The following MED16 variants were observed in gnomAD, a reference collection of about 807,000 sequenced individuals.
MED16 encodes mediator of RNA polymerase II transcription subunit 16.
A neutral mutation model predicts 84.4 loss-of-function variants in MED16; 81 were observed. The observed-to-expected ratio is 0.96, with a 90% confidence interval of 0.80 to 1.15. MED16 has a LOEUF of 1.15. Ranked by LOEUF, MED16 falls within the 50% of genes most tolerant of loss-of-function variation. The probability of loss-of-function intolerance (pLI) is 0.00; values close to 1 mark genes in which losing one functional copy is unlikely to be tolerated. For missense variants in MED16, 1,585 were observed against 1,245.9 expected, an observed-to-expected ratio of 1.27 and a Z score of -4.10; for synonymous variants, 897 against 552.2, an observed-to-expected ratio of 1.62 and a Z score of -8.76.
Position 891,916 on chromosome 19 carries a change from C to T in MED16, c.-18-767G>A, listed in dbSNP as rs551612699. 1.1e-3 allele frequency among the ~76,000 whole-genome samples: 130 copies of T among 118,222 alleles called. 2 individuals carry two copies. The highest frequency in any genetic ancestry group is 2.0e-3 in the African/African-American group (54 of 27,408). The allele number at this position is 118,222 out of a possible 152,430, so 77.6% of individuals were successfully genotyped here. On this transcript the variant is annotated intron_variant, in intron 1 of 15. Transcript: ENST00000325464. ...TGACGGGGAACACCTGTGGCCGAGG[C>T]GGGGCTGAGTGTGATGGGGAACACC...
intron 4 of MED16, among the ~76,000 whole-genome samples, chr19:888,203 C>CA (rs1478276209): frequency 6.6e-6 from 1 of 150,544 alleles, no homozygotes; most frequent in Non-Finnish European, 1.5e-5. Context: ...GACCCTGTCT[C>CA]AAAAAACAAA....
chr19:868,242 T>A lies in MED16; in HGVS notation c.2493A>T (p.Glu831Asp). 1 of 1,596,028 alleles carries A rather than the reference T, an allele frequency of 6.3e-7. No homozygotes were observed. Among genetic ancestry groups the A allele is most frequent in the East Asian group, 2.3e-5 (1 of 44,170 alleles). The change falls in exon 16 of 16, where the codon GAA becomes GAT. Residue 831 changes from glutamate to aspartate, a missense_variant. Physicochemically the swap from Glu to Asp is conservative, Grantham distance 45 (BLOSUM62 2). Coordinates refer to ENST00000325464, the MANE Select transcript of MED16 (RefSeq NM_005481.3). ...TCACGCAGGCGTCCGGCCCACGGCC[T>A]TCAACAGCCCTGCAGGGCGGGCTGA... ...QRWIKNCLAVEGRGPDACVTS... is the reference protein window; with the variant it reads ...QRWIKNCLAVDGRGPDACVTS...
intron 4 of MED16, among the ~76,000 whole-genome samples, chr19:887,614 C>T (rs898942492): frequency 6.6e-6 from 1 of 151,864 alleles, no homozygotes; most frequent in African/African-American, 2.4e-5. Flanking sequence ...TTCAGTGAGC[C>T]GAGATCGCAC....
At chr19:885,141 C>T (rs932657978) in intron 5 of MED16, 133 bp from the exon 6 acceptor site, 1 of 661,088 alleles carries the variant, frequency 1.5e-6, no homozygotes, top group Non-Finnish European at 2.6e-6. Flanking sequence ...GCCCCTCGGG[C>T]CCTCCTGGAT....
At chr19:869,522 T>C (rs2035997005) in intron 13 of MED16, among the ~76,000 whole-genome samples, 1 of 152,150 alleles carries the variant, frequency 6.6e-6, no homozygotes, top group Non-Finnish European at 1.5e-5. Context: ...CGTCCTCTCT[T>C]TCCATCAAGT....
rs780058395 is a variant in MED16, at chr19:889,815, C to G, written c.278-8G>C. ...CTGACAGGAGCCGGGAGCCTGAGGG[C>G]AAGAAGCCATCATTGCGAACCTTCC... is the stretch of plus-strand genomic sequence containing the variant. On this transcript the variant is annotated splice_polypyrimidine_tract_variant and splice_region_variant and intron_variant, in intron 3 of 15. Transcript: ENST00000325464. The G allele has an allele frequency of 5.6e-6, 9 of 1,606,764 alleles. No individual in the cohort carries two copies. The highest frequency in any genetic ancestry group is 1.1e-5 in the South Asian group (1 of 90,292).
intron 14 of MED16, 92 bp from the exon 15 acceptor site, chr19:868,591 G>T: frequency 6.6e-7 from 1 of 1,517,068 alleles, no homozygotes; most frequent in Non-Finnish European, 8.9e-7. Flanking sequence ...GTCTCCCTCT[G>T]CTCGCCGTCC....
chr19:870,209 C>T (rs2036013346), intron 13 of MED16, among the ~76,000 whole-genome samples: 2 of 152,136 alleles, frequency 1.3e-5, no homozygotes, highest in African/African-American at 4.8e-5. Context: ...GGGCCAGAGA[C>T]TAAGGGCAGA....
chr19:891,911 C>A (rs1417479474), intron 1 of MED16, among the ~76,000 whole-genome samples: 2 of 125,434 alleles, frequency 1.6e-5, no homozygotes, highest in African/African-American at 3.2e-5. Context: ...CACCTGTGGC[C>A]GAGGCGGGGC....
At chr19:878,662 T>C (rs1335980708) in intron 8 of MED16, among the ~76,000 whole-genome samples, 9 of 132,058 alleles carry the variant, frequency 6.8e-5, no homozygotes, top group East Asian at 2.6e-4. Flanking sequence ...CACCTTCCCC[T>C]GGTTGTCAAT....
chr19:885,023 G>A lies in MED16; in HGVS notation c.880-15C>T, dbSNP rs374273314. On this transcript the variant is annotated splice_polypyrimidine_tract_variant and intron_variant, in intron 5 of 15. Coordinates refer to ENST00000325464, the MANE Select transcript of MED16 (RefSeq NM_005481.3). ...CACAAAAGCACCTGCGGGGGAGGTG[G>A]GGGTGAGGGCTGACCCGGCACTGCT... The A allele has an allele frequency of 6.3e-7, 1 of 1,577,550 alleles. No homozygotes were observed.
intron 12 of MED16, chr19:871,583 A>C: frequency 6.3e-7 from 1 of 1,595,460 alleles, no homozygotes; most frequent in South Asian, 1.1e-5. Flanking sequence ...ACAACCCGAC[A>C]AGGAGAGACA....
At position 869,157 on chromosome 19, in the gene MED16, G is replaced by A. The variant is rs140386082; in HGVS notation, c.2316-211C>T. Among the ~76,000 whole-genome samples, 166 of 152,274 alleles carry A rather than the reference G, an allele frequency of 1.1e-3. 1 individual carries two copies. In the Middle Eastern group the frequency reaches 0.017, roughly 16 times the overall value. On this transcript the variant is annotated intron_variant, in intron 13 of 15. Coordinates refer to ENST00000325464, the MANE Select transcript of MED16 (RefSeq NM_005481.3). ...GGGCGGGACCCCCCACACGGAGGAG[G>A]GTTGGTCTCCCAGGTGCCTGGGGAG...
chr19:869,858 G>C (rs1276151340), intron 13 of MED16, among the ~76,000 whole-genome samples: 3 of 152,230 alleles, frequency 2.0e-5, no homozygotes, highest in Non-Finnish European at 2.9e-5. Context: ...GGTCTGACGG[G>C]CCTGGGTTCA....
rs1439088988 is a variant in MED16, at chr19:868,485, G to C, written c.2414C>G (p.Thr805Ser). Residue 805 changes from threonine to serine, a missense_variant, in exon 15 of 16, where the codon ACC (threonine) becomes AGC (serine). Transcript: ENST00000325464. ...GGTTCTGTTGGGCGACTTGAGCATG[G>C]TGACACAGCCGCACCTGCGGGGAGG... ...CKACTRCGCV[T>S]MLKSPNRTTA... is the part of the protein sequence containing the mutation. 1.2e-6 allele frequency: 2 copies of C among 1,610,734 alleles called. No homozygotes were observed. The highest frequency in any genetic ancestry group is 1.3e-5 in the African/African-American group (1 of 75,042).
At chr19:871,685 G>A (rs771487206) in intron 12 of MED16, 11 of 1,555,130 alleles carry the variant, frequency 7.1e-6, no homozygotes, top group South Asian at 1.1e-5. Flanking sequence ...CAGATATCAA[G>A]GCAGAGCCAC....
Position 880,107 on chromosome 19 carries a change from G to A in MED16, c.1183C>T (p.His395Tyr), listed in dbSNP as rs752681089. 2.5e-6 allele frequency: 4 copies of A among 1,610,570 alleles called. No homozygotes were observed. In the Admixed American group the frequency reaches 5.0e-5, roughly 20 times the overall value. The change falls in exon 8 of 16, where the codon CAC becomes TAC. Residue 395 changes from histidine (H) to tyrosine (Y), a missense_variant. By Grantham distance (83) the His-to-Tyr change is moderately conservative. Coordinates refer to ENST00000325464, the MANE Select transcript of MED16 (RefSeq NM_005481.3). ...GCCATGGTCTGCAGTGAGAGCCGGT[G>A]CACGATGTGGACGCTGCCGTCGTGG... ...AFHDGSVHIV[H>Y]RLSLQTMAVF...
intron 1 of MED16, among the ~76,000 whole-genome samples, chr19:891,554 G>A (rs1185978023): frequency 1.3e-5 from 2 of 152,228 alleles, no homozygotes; most frequent in Non-Finnish European, 2.9e-5. Flanking sequence ...CCGCAGACAG[G>A]CAAGCGGTGG....
intron 8 of MED16, among the ~76,000 whole-genome samples, chr19:878,191 C>T (rs2036308891): frequency 1.4e-5 from 2 of 139,146 alleles, no homozygotes; most frequent in Non-Finnish European, 3.1e-5. Context: ...CCCAGCCCCA[C>T]GTGCCCCAGC....
Sources: gnomAD v4.1 joint callset for allele counts (sites outside exome capture counted in the v4.1 genomes callset) on GRCh38, gnomAD v4.1.1 for gene constraint, MANE v1.5 for transcripts, NCBI Gene and HGNC (gene_info 2026-07-23, HGNC 2026-07-21) for gene names.